Variants in RUFY3 observed in about 807,000 individuals in gnomAD.
RUFY3 encodes the protein RUN and FYVE domain containing 3.
In RUFY3, 34 loss-of-function variants were observed where a neutral mutation model predicts 84.0. The observed-to-expected ratio is 0.40, with a 90% CI of 0.31 to 0.54. RUFY3 has a LOEUF of 0.54. Ranked by LOEUF, RUFY3 falls within the 20% of genes least tolerant of loss-of-function variation. RUFY3 has a pLI of 0.39. For missense variants in RUFY3, 507 were observed against 736.8 expected, an observed-to-expected ratio of 0.69 and a Z score of 3.61; for synonymous variants, 242 against 252.9, an observed-to-expected ratio of 0.96 and a Z score of 0.41.
At chr4:70,751,030 A>G (rs929456701) in intron 1 of RUFY3, among the ~76,000 whole-genome samples, 1 of 152,184 alleles carries the variant, frequency 6.6e-6, no homozygotes, top group Non-Finnish European at 1.5e-5. Flanking sequence ...TAATACTGTG[A>G]ACATTAATGC....
At chr4:70,748,087 G>T (rs1722518460) in intron 1 of RUFY3, among the ~76,000 whole-genome samples, 1 of 152,092 alleles carries the variant, frequency 6.6e-6, no homozygotes, top group African/African-American at 2.4e-5. Context: ...AGACCATTTT[G>T]ATTCTCTTCC....
At chr4:70,718,084 C>T (rs1438931880), upstream of RUFY3, among the ~76,000 whole-genome samples, 4 of 151,882 alleles carry the variant, frequency 2.6e-5, no homozygotes, top group Non-Finnish European at 4.4e-5. Flanking sequence ...GGGGTTTCAC[C>T]GTGTTAGCCA....
chr4:70,757,467 G>A (rs1357164692), intron 1 of RUFY3, among the ~76,000 whole-genome samples: 2 of 152,086 alleles, frequency 1.3e-5, no homozygotes, highest in Admixed American at 6.6e-5. Flanking sequence ...AGCCGCACGT[G>A]GTGGCACATG....
intron 4 of RUFY3, among the ~76,000 whole-genome samples, chr4:70,765,870 C>T (rs1272160934): frequency 6.6e-6 from 1 of 151,298 alleles, no homozygotes; most frequent in Non-Finnish European, 1.5e-5. Flanking sequence ...TCAAGCGATT[C>T]TCCTGCCACA....
chr4:70,716,069 G>A (rs1388673426), intron 1 of RUFY3, among the ~76,000 whole-genome samples: 2 of 151,972 alleles, frequency 1.3e-5, no homozygotes, highest in Non-Finnish European at 2.9e-5. Context: ...AGCCGAGATC[G>A]TGCCACTGCA....
intron 1 of RUFY3, chr4:70,741,713 C>G: frequency 7.0e-7 from 1 of 1,435,750 alleles, no homozygotes; most frequent in Non-Finnish European, 9.1e-7. Flanking sequence ...TCAGCTTTTT[C>G]TCCTTGCTTT....
intron 5 of RUFY3, among the ~76,000 whole-genome samples, 193 bp downstream of exon 5, chr4:70,768,854 G>A (rs1179239461): frequency 6.6e-6 from 1 of 152,048 alleles, no homozygotes; most frequent in Non-Finnish European, 1.5e-5. Flanking sequence ...CGTTACGAAT[G>A]TTTTTTAGAT....
chr4:70,715,781 A>G (rs967394839), intron 1 of RUFY3, among the ~76,000 whole-genome samples: 15 of 152,104 alleles, frequency 9.9e-5, no homozygotes, highest in Non-Finnish European at 1.6e-4. Context: ...ATTCTGCATT[A>G]TGAAAATCAG....
intron 5 of RUFY3, among the ~76,000 whole-genome samples, chr4:70,772,304 C>T (rs1438338273): frequency 2.6e-5 from 4 of 152,202 alleles, no homozygotes; most frequent in South Asian, 4.1e-4. Flanking sequence ...CAGCCCTCTG[C>T]GTCCTTGGAT....
intron 7 of RUFY3, among the ~76,000 whole-genome samples, chr4:70,777,948 A>G (rs1163832049): frequency 6.6e-6 from 1 of 152,152 alleles, no homozygotes; most frequent in Non-Finnish European, 1.5e-5. Flanking sequence ...TGTGAGCATT[A>G]AGGCCTGGCG....
rs1451293574 is a variant in RUFY3 at position 70,788,859 on chromosome 4, G to T, written c.1125G>T (p.Leu375Phe). The stretch of plus-strand genomic sequence containing the variant: ...TCAGCATGAGGCAGGAGATGGAATT[G>T]GCTATGAAGATGCTGGAGAAGGATG... ...MQISMRQEMELAMKMLEKDVC... is the reference protein window; with the variant it reads ...MQISMRQEMEFAMKMLEKDVC... The change falls in exon 11 of 18, where the codon TTG (leucine) becomes TTT (phenylalanine). Residue 375 changes from leucine to phenylalanine, a missense_variant. Physicochemically the swap from Leu to Phe is conservative, Grantham distance 22 (BLOSUM62 0). This residue lies in a region of RUFY3 where 334 missense variants were observed against 364.1 expected (regional missense o/e 0.92). Coordinates refer to ENST00000381006, the MANE Select transcript of RUFY3 (RefSeq NM_001037442.4). The T allele has an allele frequency of 6.2e-7, 1 of 1,614,042 alleles. No homozygotes were observed. The highest frequency in any genetic ancestry group is 8.5e-7 in the Non-Finnish European group (1 of 1,180,026).
chr4:70,804,201 G>A, intron 16 of RUFY3, 147 bp from the exon 17 acceptor site: 1 of 600,550 alleles, frequency 1.7e-6, no homozygotes, highest in South Asian at 2.1e-5. Flanking sequence ...TTGTATTATG[G>A]TGGTAGGACT....
At chr4:70,704,948 CCCG>C (rs977204221) in exon 1 of RUFY3, 1 of 1,225,998 alleles carries the variant, frequency 8.2e-7, no homozygotes, top group South Asian at 3.7e-5. Context: ...TGGCTGAGAC[CCCG>C]CCGCCGCCCA....
At chr4:70,733,230 A>G (rs1577999983) in intron 1 of RUFY3, among the ~76,000 whole-genome samples, 3 of 151,814 alleles carry the variant, frequency 2.0e-5, no homozygotes, top group African/African-American at 7.2e-5. Context: ...TATGGTTTCT[A>G]ATGTTTTCTT....
intron 17 of RUFY3, among the ~76,000 whole-genome samples, chr4:70,804,689 G>T (rs916063937): frequency 6.6e-6 from 1 of 151,430 alleles, no homozygotes; most frequent in Non-Finnish European, 1.5e-5. Context: ...AGGCCGAGGC[G>T]GGCCGATCAC....
chr4:70,772,054 G>T (rs1225199581), intron 5 of RUFY3, among the ~76,000 whole-genome samples: 1 of 151,692 alleles, frequency 6.6e-6, no homozygotes, highest in South Asian at 2.1e-4. Context: ...TGGCAGAGAT[G>T]GAGGAAAACC....
intron 1 of RUFY3, among the ~76,000 whole-genome samples, chr4:70,746,908 G>A (rs893631632): frequency 6.6e-6 from 1 of 152,184 alleles, no homozygotes; most frequent in Non-Finnish European, 1.5e-5. Flanking sequence ...TAGGGGCAAG[G>A]AGAGATGTGG....
intron 1 of RUFY3, among the ~76,000 whole-genome samples, chr4:70,729,382 G>T (rs1718831996): frequency 6.6e-6 from 1 of 152,006 alleles, no homozygotes; most frequent in South Asian, 2.1e-4. Context: ...TCAGCCTCCT[G>T]AGTAGCTGGG....
At chr4:70,771,492 A>G (rs1726947209) in intron 5 of RUFY3, among the ~76,000 whole-genome samples, 2 of 152,154 alleles carry the variant, frequency 1.3e-5, no homozygotes, top group African/African-American at 4.8e-5. Context: ...TAAACAGTCA[A>G]TTAACACATA....
Sources: gnomAD v4.1 joint callset for allele counts (sites outside exome capture counted in the v4.1 genomes callset) on GRCh38, gnomAD v4.1.1 for gene constraint, gnomAD v4.1.1 regional missense constraint, MANE v1.5 for transcripts, NCBI Gene and HGNC (gene_info 2026-07-23, HGNC 2026-07-21) for gene names.